The following RPS6KA2 variants were observed in gnomAD, a reference collection of about 807,000 sequenced individuals.
The protein encoded by RPS6KA2 is ribosomal protein S6 kinase alpha-2.
RPS6KA2 carries 42 observed loss-of-function variants against 91.8 expected under a neutral mutation model. The observed-to-expected ratio is 0.46, with a 90% confidence interval of 0.36 to 0.59. RPS6KA2 has a LOEUF of 0.59. Ranked by LOEUF, RPS6KA2 falls within the 20% of genes least tolerant of loss-of-function variation. The pLI is 0.00. For missense variants in RPS6KA2, 798 were observed against 978.5 expected (o/e 0.82, Z 2.46); for synonymous variants, 414 against 393.6 (o/e 1.05, Z -0.61).
chr6:166,648,048 A>C lies in RPS6KA2; in HGVS notation c.124-109264T>G, dbSNP rs1777454786. Among the ~76,000 whole-genome samples the C allele has an allele frequency of 6.6e-6, 1 of 151,106 alleles. No individual in the cohort carries two copies. Among genetic ancestry groups the C allele is most frequent in the South Asian group, 2.1e-4 (1 of 4,746 alleles). On this transcript the variant is annotated intron_variant, in intron 2 of 21. Transcript: ENST00000503859. This position sits in a 1 kb window ranked among gnomAD's most constrained non-coding sequence, Gnocchi z 4.8. ...TACATACACACATGCTCTCACACAC[A>C]TGCACATGCTCACACACATGCACAC... is the stretch of plus-strand genomic sequence containing the variant.
At chr6:166,823,297 C>G (rs981687020) in intron 2 of RPS6KA2, among the ~76,000 whole-genome samples, 1 of 152,188 alleles carries the variant, frequency 6.6e-6, no homozygotes, top group African/African-American at 2.4e-5. Flanking sequence ...TGTCAACCAA[C>G]CACGGTATAT....
chr6:166,849,803 C>T lies in RPS6KA2; in HGVS notation c.123+8397G>A, dbSNP rs1227805641. Reference sequence around the variant, plus strand: ...GCCGTTTCCTCAAGCTGACTGAATTCTCGCCTTCGCTTTCTTTGGAAATGG... The same window carrying T: ...GCCGTTTCCTCAAGCTGACTGAATTTTCGCCTTCGCTTTCTTTGGAAATGG... On this transcript the variant is annotated intron_variant, in intron 2 of 21. Transcript: ENST00000503859. This position sits in a 1 kb window ranked among gnomAD's most constrained non-coding sequence, Gnocchi z 4.9. 3.9e-5 allele frequency among the ~76,000 whole-genome samples: 6 copies of T among 152,234 alleles called. No homozygotes were observed. Among genetic ancestry groups the T allele is most frequent in the Non-Finnish European group, 5.9e-5 (4 of 68,042 alleles).
rs575826562 is a variant in RPS6KA2 at position 166,611,464 on chromosome 6, C to G, written c.99+15457G>C. On this transcript the variant is annotated intron_variant, in intron 1 of 20. Coordinates refer to ENST00000265678, the MANE Select transcript of RPS6KA2 (RefSeq NM_021135.6). ...CAGAGGACCTTTTCAACATTGGATT[C>G]CAATTCCTCATCTAGGCAAAAGGTA... Among the ~76,000 whole-genome samples the G allele has an allele frequency of 4.6e-5, 7 of 152,350 alleles. No individual in the cohort carries two copies. In the South Asian group the frequency reaches 1.4e-3, roughly 32 times the overall value.
intron 2 of RPS6KA2, among the ~76,000 whole-genome samples, chr6:166,654,237 C>T (rs1307418238): frequency 6.6e-6 from 1 of 152,216 alleles, no homozygotes; most frequent in Non-Finnish European, 1.5e-5. Flanking sequence ...CCCACAGCTG[C>T]ATTTTGCTCT....
At chr6:166,779,857 A>G (rs1459553206) in intron 2 of RPS6KA2, among the ~76,000 whole-genome samples, 1 of 152,182 alleles carries the variant, frequency 6.6e-6, no homozygotes, top group Non-Finnish European at 1.5e-5. Context: ...CTGCTGGAAA[A>G]GGACTCACCA....
upstream of RPS6KA2, chr6:166,627,721 A>T (rs1034364305): frequency 2.6e-5 from 4 of 152,222 alleles, no homozygotes; most frequent in Admixed American, 6.5e-5. Flanking sequence ...CGTTCCTGTC[A>T]CGCAACTTCG....
chr6:166,668,945 T>C (rs1217823809), intron 2 of RPS6KA2, among the ~76,000 whole-genome samples: 4 of 150,160 alleles, frequency 2.7e-5, no homozygotes, highest in African/African-American at 9.8e-5. Context: ...AGGAGTTCAG[T>C]GATGTGATCA....
chr6:166,744,652 C>T (rs1562413208), intron 2 of RPS6KA2, among the ~76,000 whole-genome samples: 2 of 152,310 alleles, frequency 1.3e-5, no homozygotes, highest in Middle Eastern at 3.4e-3. Flanking sequence ...CCCGCGCTGC[C>T]CCTTCAGACC....
At position 166,506,647 on chromosome 6, in the gene RPS6KA2, T is replaced by C. The variant is rs531992937; in HGVS notation, c.459+1556A>G. Among the ~76,000 whole-genome samples, 25 of 152,332 alleles carry C rather than the reference T, an allele frequency of 1.6e-4. 2 individuals are homozygous for C. The highest frequency in any genetic ancestry group is 6.0e-4 in the African/African-American group (25 of 41,582). On this transcript the variant is annotated intron_variant, in intron 5 of 20. Coordinates refer to ENST00000265678, the MANE Select transcript of RPS6KA2 (RefSeq NM_021135.6). Reference sequence around the variant, plus strand: ...AAACGTGCACCACTGTCCAAGGGACTGCTGGACGCAGAGGGACAGGGCAGC... The same window carrying C: ...AAACGTGCACCACTGTCCAAGGGACCGCTGGACGCAGAGGGACAGGGCAGC...
At chr6:166,789,039 G>A (rs192837123) in intron 2 of RPS6KA2, among the ~76,000 whole-genome samples, 13 of 152,272 alleles carry the variant, frequency 8.5e-5, no homozygotes, top group African/African-American at 2.2e-4. Context: ...CATACCGTGC[G>A]CGAGCTGAAG....
At chr6:166,591,431 T>G (rs1785351342) in intron 1 of RPS6KA2, among the ~76,000 whole-genome samples, 1 of 152,140 alleles carries the variant, frequency 6.6e-6, no homozygotes. Flanking sequence ...ACATGTGACT[T>G]GACTTGGAAA....
At chr6:166,542,384 T>C (rs1224235004) in intron 1 of RPS6KA2, 1 of 152,242 alleles carries the variant, frequency 6.6e-6, no homozygotes, top group East Asian at 1.9e-4. Flanking sequence ...GAAGATCAAG[T>C]CTGTTCCTGA....
In RPS6KA2 at chr6:166,423,326, G is replaced by A. The variant is rs760832013; in HGVS notation, c.1673C>T (p.Ala558Val). The A allele has an allele frequency of 6.2e-7, 1 of 1,614,088 alleles. No homozygotes were observed. The highest frequency in any genetic ancestry group is 1.7e-5 in the Admixed American group (1 of 60,026). Residue 558 changes from alanine (A) to valine (V), a missense_variant, in exon 17 of 21, where the codon GCC (alanine) becomes GTC (valine). Ala to Val is a moderately conservative substitution (Grantham distance 64, BLOSUM62 0). Coordinates refer to ENST00000265678, the MANE Select transcript of RPS6KA2 (RefSeq NM_021135.6). The surrounding 1 kb of genome is among the most constrained non-coding windows in gnomAD (Gnocchi z 4.8). Reference protein sequence around the residue: ...ESIRVCDFGFAKQLRAGNGLL... With the variant: ...ESIRVCDFGFVKQLRAGNGLL... ...CCCGTTCCCCGCGCGCAGCTGCTTG[G>A]CAAAGCCGAAGTCGCAGACTCGGAT...
chr6:166,550,754 G>A (rs1396003124), intron 1 of RPS6KA2, among the ~76,000 whole-genome samples: 1 of 152,124 alleles, frequency 6.6e-6, no homozygotes, highest in Non-Finnish European at 1.5e-5. Context: ...TGTAATCCCA[G>A]CACTTTGGGA....
intron 11 of RPS6KA2, among the ~76,000 whole-genome samples, chr6:166,466,943 CTCAT>C (rs1252911715): frequency 1.3e-5 from 2 of 151,948 alleles, no homozygotes; most frequent in South Asian, 4.1e-4. Flanking sequence ...TGTTGACTCA[CTCAT>C]TAACTCACTC....
At chr6:166,424,824 T>C (rs113021709) in intron 16 of RPS6KA2, among the ~76,000 whole-genome samples, 1,651 of 152,332 alleles carry the variant, frequency 0.011, 28 homozygotes, top group African/African-American at 0.036. Flanking sequence ...CGAAAATTCT[T>C]AATTTCTTTT....
intron 2 of RPS6KA2, among the ~76,000 whole-genome samples, chr6:166,839,887 A>G (rs1390346660): frequency 6.6e-6 from 1 of 151,326 alleles, no homozygotes; most frequent in African/African-American, 2.4e-5. Context: ...AAGTGGTAAG[A>G]TGATAAATTT....
intron 10 of RPS6KA2, among the ~76,000 whole-genome samples, chr6:166,477,054 G>A (rs1027485501): frequency 2.0e-5 from 3 of 152,190 alleles, no homozygotes; most frequent in Non-Finnish European, 4.4e-5. Flanking sequence ...AAAACCGGCC[G>A]CCTGTGCAGG....
At chr6:166,719,706 C>T (rs1472018390) in intron 2 of RPS6KA2, among the ~76,000 whole-genome samples, 3 of 152,194 alleles carry the variant, frequency 2.0e-5, no homozygotes, top group South Asian at 4.1e-4. Flanking sequence ...TTAAAACGTT[C>T]ATCAACGGAG....
Sources: gnomAD v4.1 joint callset for allele counts (sites outside exome capture counted in the v4.1 genomes callset) on GRCh38, gnomAD v4.1.1 for gene constraint, Gnocchi (gnomAD v3.1) non-coding constraint, MANE v1.5 for transcripts, NCBI Gene and HGNC (gene_info 2026-07-23, HGNC 2026-07-21) for gene names.